The following FANCI variants were observed in gnomAD, a reference collection of about 807,000 sequenced individuals.
FANCI encodes the protein FA complementation group I, also known as Fanconi anemia group I protein.
A neutral mutation model predicts 176.1 loss-of-function variants in FANCI; 156 were observed. That is an observed-to-expected ratio of 0.89 (90% confidence interval 0.78 to 1.01). FANCI has a LOEUF of 1.01. Among genes scored for constraint, FANCI ranks in the 50% least tolerant of loss-of-function variants. The pLI is 0.00. For synonymous variants in FANCI, 613 were observed against 541.7 expected, an observed-to-expected ratio of 1.13 and a Z score of -1.83; for missense variants, 1,678 against 1,534.1, an observed-to-expected ratio of 1.09 and a Z score of -1.57.
chr15:89,259,302 G>A (rs1671043443), intron 3 of FANCI: 1 of 159,918 alleles, frequency 6.3e-6, no homozygotes, highest in African/African-American at 2.4e-5. Flanking sequence ...AATTAAAAGT[G>A]TCTTTGGACT....
At chr15:89,244,572 G>A (rs1272027107) in intron 1 of FANCI, among the ~76,000 whole-genome samples, 1 of 152,128 alleles carries the variant, frequency 6.6e-6, no homozygotes, top group Non-Finnish European at 1.5e-5. Context: ...GTTTTAGGAT[G>A]ATTTTAGCAA....
intron 18 of FANCI, among the ~76,000 whole-genome samples, chr15:89,287,849 TAAGTTCACTATCTTATATAGA>T (rs1370564927): frequency 2.6e-5 from 4 of 152,228 alleles, no homozygotes; most frequent in Non-Finnish European, 5.9e-5. Context: ...ATTTATCAAT[TAAGTTCACTATCTTATATAGA>T]CACAATTCGT....
Position 89,285,162 on chromosome 15 carries a change from G to C in FANCI, c.1765G>C (p.Asp589His). 4.3e-6 allele frequency: 7 copies of C among 1,614,200 alleles called. No individual in the cohort carries two copies. The highest frequency in any genetic ancestry group is 2.5e-6 in the Non-Finnish European group (3 of 1,180,036). Residue 589 changes from aspartate (D) to histidine (H), a missense_variant, in exon 18 of 38, where the codon GAT becomes CAT. Physicochemically the swap from Asp to His is moderately conservative, Grantham distance 81. Coordinates refer to ENST00000310775, the MANE Select transcript of FANCI (RefSeq NM_001113378.2). ...TGAAACTTTTTGCCTTGAGATCATG[G>C]ATAGTTTGAGGAGATGCTTAAGCCA... ...ANETFCLEIM[D>H]SLRRCLSQQA...
rs2283432 is a variant in FANCI at position 89,292,997 on chromosome 15, G to C, written c.2225G>C (p.Cys742Ser). ...STSIGIKNNI[C>S]AFLVMGVCEV... ...AGTATTGGCATAAAAAATAATATCT[G>C]TGCTTTTCTTGTGATGGGAGTTTGT... Residue 742 changes from cysteine to serine, a missense_variant, in exon 22 of 38, where the codon TGT becomes TCT. Around this residue, in one of 3 missense-constraint regions of FANCI, gnomAD observed 1,204 missense variants for 1,077.4 expected, o/e 1.12. Coordinates refer to ENST00000310775, the MANE Select transcript of FANCI (RefSeq NM_001113378.2). The C allele has an allele frequency of 0.37, 595,772 of 1,613,342 alleles. 114,402 individuals are homozygous for C. Among genetic ancestry groups the C allele is most frequent in the South Asian group, 0.39 (35,705 of 91,064 alleles).
chr15:89,295,133 G>A (rs1350513945), intron 24 of FANCI, 39 bp downstream of exon 24: 1 of 1,540,734 alleles, frequency 6.5e-7, no homozygotes, highest in Non-Finnish European at 8.7e-7. Context: ...ATTCCACTTG[G>A]CTGTGGTGTC....
chr15:89,306,420 G>A (rs1005450528), intron 32 of FANCI, among the ~76,000 whole-genome samples: 7 of 152,094 alleles, frequency 4.6e-5, no homozygotes, highest in South Asian at 2.1e-4. Context: ...GGCCTGTCAC[G>A]GTGGTTCATG....
intron 8 of FANCI, 36 bp from the exon 9 acceptor site, chr15:89,264,486 A>G (rs1291446713): frequency 3.2e-6 from 5 of 1,562,568 alleles, no homozygotes; most frequent in Admixed American, 1.7e-5. Flanking sequence ...TTTTGCTGTT[A>G]ATTGGGAGAC....
At chr15:89,313,996 C>CACAA (rs1374100239) in intron 35 of FANCI, among the ~76,000 whole-genome samples, 3 of 150,664 alleles carry the variant, frequency 2.0e-5, no homozygotes, top group Non-Finnish European at 4.4e-5. Flanking sequence ...CACACACACA[C>CACAA]ACACACAAAT....
At chr15:89,268,694 C>T in intron 10 of FANCI, 169 bp downstream of exon 10, 1 of 724,006 alleles carries the variant, frequency 1.4e-6, no homozygotes, top group South Asian at 1.8e-5. Context: ...CATGATGTTA[C>T]CACACTCCCT....
intron 2 of FANCI, among the ~76,000 whole-genome samples, chr15:89,251,239 G>A (rs1292474939): frequency 6.6e-6 from 1 of 152,108 alleles, no homozygotes; most frequent in African/African-American, 2.4e-5. Flanking sequence ...GGCACGTACA[G>A]TTTAATAAAA....
chr15:89,282,803 A>G (rs529679320), intron 16 of FANCI: 11 of 355,140 alleles, frequency 3.1e-5, no homozygotes, highest in East Asian at 2.0e-4. Flanking sequence ...TCCTTCAAAC[A>G]TGGCAAAATC....
At position 89,274,389 on chromosome 15, in the gene FANCI, A is replaced by AG. The variant is rs981716426; in HGVS notation, c.1112+89dup. 87 of 1,482,842 alleles carry AG rather than the reference A, an allele frequency of 5.9e-5. No individual in the cohort carries two copies. The African/African-American group carries it at 1.0e-3, about 17-fold the overall frequency. The allele number at this position is 1,482,842 out of a possible 1,614,324, so 91.9% of individuals were successfully genotyped here. A position where few individuals can be genotyped will look rare whatever the true frequency, so the allele number is the denominator to read the frequency against. On this transcript the variant is annotated intron_variant, in intron 12 of 37. Coordinates refer to ENST00000310775, the MANE Select transcript of FANCI (RefSeq NM_001113378.2). ...TGTGATATCATACTTGCAGCCTGTG[A>AG]GGGGAAACTGATGACTTAACAGCTG... is the stretch of plus-strand genomic sequence containing the variant.
intron 10 of FANCI, among the ~76,000 whole-genome samples, chr15:89,272,565 A>T (rs7166377): frequency 0.013 from 2,042 of 152,240 alleles, 52 homozygotes; most frequent in African/African-American, 0.046. Context: ...ACTTAATCCA[A>T]GGTCTTGAAA....
Position 89,305,136 on chromosome 15 carries a change from G to A in FANCI, c.3080G>A (p.Ser1027Asn), listed in dbSNP as rs759947039. Residue 1027 changes from serine to asparagine, a missense_variant, in exon 29 of 38, where the codon AGC becomes AAC. Ser to Asn is a conservative substitution (Grantham distance 46). Around this residue, in one of 3 missense-constraint regions of FANCI, gnomAD observed 1,204 missense variants for 1,077.4 expected, o/e 1.12. Transcript: ENST00000310775. Reference sequence around the variant, plus strand: ...CTAGAGGATGCCTTGTTTTGCAAGAGCTTGATGAACTTGCTCTTCAGCCTG... The same window carrying A: ...CTAGAGGATGCCTTGTTTTGCAAGAACTTGATGAACTTGCTCTTCAGCCTG... Reference protein sequence around the residue: ...NSREDALFCKSLMNLLFSLHV... With the variant: ...NSREDALFCKNLMNLLFSLHV... The A allele has an allele frequency of 2.7e-5, 44 of 1,614,104 alleles. No individual in the cohort carries two copies. In the South Asian group the frequency reaches 4.8e-4, roughly 18 times the overall value.
chr15:89,247,716 C>A lies in FANCI; in HGVS notation c.69C>A (p.Thr23=). ...ACAAACTGCAAGAATTTCTTCAAACCCTGAGAGAAGGTGATGTGAGTATTA... is the reference window on the plus strand; with the variant it reads ...ACAAACTGCAAGAATTTCTTCAAACACTGAGAGAAGGTGATGTGAGTATTA... ...TADKLQEFLQ[T]LREGDLTNLL... Residue 23 remains threonine (T), a synonymous_variant, in exon 2 of 38, where the codon ACC becomes ACA. Transcript: ENST00000310775. 1 of 1,613,734 alleles carries A rather than the reference C, an allele frequency of 6.2e-7. No homozygotes were observed. Among genetic ancestry groups the A allele is most frequent in the South Asian group, 1.1e-5 (1 of 91,064 alleles).
At chr15:89,312,994 T>TA (rs1165899290) in intron 35 of FANCI, 22 bp downstream of exon 35, 4 of 1,611,452 alleles carry the variant, frequency 2.5e-6, no homozygotes, top group Non-Finnish European at 3.4e-6. Context: ...ACACTGACCG[T>TA]TAAAATATGC....
chr15:89,281,132 G>C (rs770567081), intron 14 of FANCI, 38 bp from the exon 15 acceptor site: 1 of 1,603,872 alleles, frequency 6.2e-7, no homozygotes, highest in South Asian at 1.1e-5. Flanking sequence ...GTTATCTTTA[G>C]TTATTTGAGA....
chr15:89,313,469 A>G (rs1392527957), intron 35 of FANCI, among the ~76,000 whole-genome samples: 2 of 152,226 alleles, frequency 1.3e-5, no homozygotes, highest in Non-Finnish European at 2.9e-5. Flanking sequence ...GAAATAGTAA[A>G]ATAACTTACG....
chr15:89,292,703 T>C lies in FANCI; in HGVS notation c.2008T>C (p.Cys670Arg). 2 of 1,613,700 alleles carry C rather than the reference T, an allele frequency of 1.2e-6. No homozygotes were observed. The highest frequency in any genetic ancestry group is 1.7e-6 in the Non-Finnish European group (2 of 1,179,896). The change falls in exon 21 of 38, where the codon TGT (cysteine) becomes CGT (arginine). Residue 670 changes from cysteine to arginine, a missense_variant. Around this residue, in one of 3 missense-constraint regions of FANCI, gnomAD observed 1,204 missense variants for 1,077.4 expected, o/e 1.12. Coordinates refer to ENST00000310775, the MANE Select transcript of FANCI (RefSeq NM_001113378.2). ...TCTCCTACAGGATTATCTGCTGTGT[T>C]GTATTCAGCATTGTTTGGCCTGGTA... ...LQEPLDYLLC[C>R]IQHCLAWYKN...
Sources: gnomAD v4.1 joint callset for allele counts (sites outside exome capture counted in the v4.1 genomes callset) on GRCh38, gnomAD v4.1.1 for gene constraint, gnomAD v4.1.1 regional missense constraint, MANE v1.5 for transcripts, NCBI Gene and HGNC (gene_info 2026-07-23, HGNC 2026-07-21) for gene names.